Variants in NPAT observed in about 807,000 individuals in gnomAD.
The protein encoded by NPAT is protein NPAT.
NPAT carries 52 observed loss-of-function variants against 130.7 expected under a neutral mutation model. The ratio of observed to expected loss-of-function variants is 0.40; its 90% CI spans 0.32 to 0.50. The LOEUF is 0.50. Among genes scored for constraint, NPAT ranks in the 20% least tolerant of loss-of-function variants. The pLI, the probability that NPAT is intolerant of heterozygous loss-of-function variation, is 0.68. For missense variants in NPAT, 1,687 were observed against 1,662.6 expected, an observed-to-expected ratio of 1.01 and a Z score of -0.26; for synonymous variants, 580 against 584.8, an observed-to-expected ratio of 0.99 and a Z score of 0.12.
chr11:108,208,409 G>C (rs998590619), intron 1 of NPAT: 2 of 455,232 alleles, frequency 4.4e-6, no homozygotes, highest in African/African-American at 4.0e-5. Flanking sequence ...GGGAAACCTA[G>C]TGAGAACCCA....
At chr11:108,162,228 A>T in intron 15 of NPAT, 48 bp from the exon 16 acceptor site, 12 of 1,490,394 alleles carry the variant, frequency 8.1e-6, no homozygotes, top group African/African-American at 1.4e-5. Context: ...TACTCCTCTG[A>T]AAGAGGATAG....
intron 1 of NPAT, among the ~76,000 whole-genome samples, chr11:108,222,055 G>T (rs1282434186): frequency 6.6e-6 from 1 of 152,148 alleles, no homozygotes; most frequent in East Asian, 1.9e-4. Flanking sequence ...GTTATTAGAA[G>T]GGCGCCAGGA....
At chr11:108,168,540 A>G (rs2077921402) in intron 15 of NPAT, among the ~76,000 whole-genome samples, 1 of 152,188 alleles carries the variant, frequency 6.6e-6, no homozygotes, top group Admixed American at 6.5e-5. Context: ...TTCTCTGTAT[A>G]ATGAGTGCAT....
chr11:108,173,371 G>T lies in NPAT; in HGVS notation c.1613C>A (p.Thr538Asn). 4 of 1,613,568 alleles carry T rather than the reference G, an allele frequency of 2.5e-6. No homozygotes were observed. The highest frequency in any genetic ancestry group is 1.7e-6 in the Non-Finnish European group (2 of 1,179,562). ...TTTAGATGGCTTTCCAGTTAATGAA[G>T]TATCTTGGGATAAAAGTTGAGAACT... is the stretch of plus-strand genomic sequence containing the variant. The part of the protein sequence containing the change: ...GKSSQLLSQD[T>N]SLTGKPSKKS... Residue 538 changes from threonine (T) to asparagine (N), a missense_variant, in exon 13 of 18, where the codon ACT becomes AAT. Physicochemically the swap from Thr to Asn is moderately conservative, Grantham distance 65. Around this residue, in one of 3 missense-constraint regions of NPAT, gnomAD observed 1,379 missense variants for 1,346.6 expected, o/e 1.02. Coordinates refer to ENST00000278612, the MANE Select transcript of NPAT (RefSeq NM_002519.3).
At chr11:108,216,108 G>C (rs1042945640) in intron 1 of NPAT, among the ~76,000 whole-genome samples, 1 of 152,154 alleles carries the variant, frequency 6.6e-6, no homozygotes, top group African/African-American at 2.4e-5. Context: ...CAGACTATTA[G>C]AATCACCTTA....
intron 1 of NPAT, among the ~76,000 whole-genome samples, chr11:108,201,869 T>G (rs374319311): frequency 1.3e-5 from 2 of 152,182 alleles, no homozygotes; most frequent in African/African-American, 4.8e-5. Context: ...TATGAACAGA[T>G]AGTAGTGCAA....
intron 1 of NPAT, among the ~76,000 whole-genome samples, chr11:108,221,355 G>C (rs1373183279): frequency 2.6e-5 from 4 of 152,188 alleles, no homozygotes; most frequent in African/African-American, 9.7e-5. Flanking sequence ...TAAGACTATA[G>C]TTACCGAAAC....
chr11:108,175,774 A>C (rs2077999711), intron 12 of NPAT, among the ~76,000 whole-genome samples: 1 of 152,202 alleles, frequency 6.6e-6, no homozygotes, highest in South Asian at 2.1e-4. Flanking sequence ...GGTGCACAAA[A>C]AACATGTGCC....
chr11:108,217,898 C>T (rs765114082), intron 1 of NPAT, among the ~76,000 whole-genome samples: 16 of 152,146 alleles, frequency 1.1e-4, no homozygotes, highest in Non-Finnish European at 2.2e-4. Context: ...GAGGCTGAGG[C>T]AGGAGAATCA....
intron 1 of NPAT, among the ~76,000 whole-genome samples, chr11:108,198,523 C>T (rs1029233557): frequency 3.9e-5 from 6 of 152,126 alleles, no homozygotes; most frequent in Admixed American, 2.6e-4. Flanking sequence ...GGGTAGGGTA[C>T]CCGGTGAAAC....
chr11:108,222,418 C>G (rs1332608467), intron 1 of NPAT, 82 bp downstream of exon 1: 7 of 1,454,094 alleles, frequency 4.8e-6, no homozygotes, highest in African/African-American at 2.8e-5. Flanking sequence ...GCTTCCCTAC[C>G]AAGGGAAAAC....
At chr11:108,180,012 A>G (rs2078044884) in intron 10 of NPAT, among the ~76,000 whole-genome samples, 2 of 152,274 alleles carry the variant, frequency 1.3e-5, no homozygotes, top group Middle Eastern at 3.4e-3. Context: ...CTATCTGATA[A>G]GGGGTTAATA....
At position 108,161,277 on chromosome 11, in the gene NPAT, G is replaced by C. The variant is rs1298098132; in HGVS notation, c.3809C>G (p.Thr1270Arg). The change falls in exon 17 of 18, where the codon ACA (threonine) becomes AGA (arginine). Residue 1270 changes from threonine (T) to arginine (R), a missense_variant. By Grantham distance (71) the Thr-to-Arg change is moderately conservative (BLOSUM62 -1). Coordinates refer to ENST00000278612, the MANE Select transcript of NPAT (RefSeq NM_002519.3). The stretch of plus-strand genomic sequence containing the variant: ...TTTTTCCCCTGCCCCTGAGCCAGGT[G>C]TCCGGGGCACAGGTAAATCACTACT... Reference protein sequence around the residue: ...ADSSDLPVPRTPGSGAGEKHK... With the variant: ...ADSSDLPVPRRPGSGAGEKHK... 1 of 1,614,156 alleles carries C rather than the reference G, an allele frequency of 6.2e-7. No homozygotes were observed. The highest frequency in any genetic ancestry group is 1.1e-5 in the South Asian group (1 of 91,080).
At chr11:108,198,722 G>A (rs1220557329) in intron 1 of NPAT, among the ~76,000 whole-genome samples, 1 of 152,148 alleles carries the variant, frequency 6.6e-6, no homozygotes, top group African/African-American at 2.4e-5. Flanking sequence ...CTGAGCCCAT[G>A]AAAACCTCAG....
chr11:108,207,138 T>A (rs536267749), intron 1 of NPAT, among the ~76,000 whole-genome samples: 1 of 152,092 alleles, frequency 6.6e-6, no homozygotes, highest in African/African-American at 2.4e-5. Context: ...TCGGTGGAGA[T>A]GAGACCCACA....
intron 10 of NPAT, among the ~76,000 whole-genome samples, chr11:108,184,890 A>G (rs979640573): frequency 6.6e-6 from 1 of 152,222 alleles, no homozygotes; most frequent in Non-Finnish European, 1.5e-5. Context: ...TACAATTTGT[A>G]GCAGTGTAGA....
intron 12 of NPAT, 91 bp from the exon 13 acceptor site, chr11:108,173,942 A>T (rs1376195822): frequency 1.8e-6 from 2 of 1,113,224 alleles, no homozygotes; most frequent in Non-Finnish European, 2.7e-6. Context: ...TTGCCAAGAA[A>T]ATAACTCATC....
At chr11:108,188,247 A>G in intron 6 of NPAT, 68 bp from the exon 7 acceptor site, 1 of 1,125,758 alleles carries the variant, frequency 8.9e-7, no homozygotes. Flanking sequence ...GTAATGGGAT[A>G]AAAAGCATTA....
intron 1 of NPAT, among the ~76,000 whole-genome samples, chr11:108,207,503 C>T (rs2078340267): frequency 6.6e-6 from 1 of 152,248 alleles, no homozygotes; most frequent in South Asian, 2.1e-4. Flanking sequence ...CAGCCTCACC[C>T]TTGGCCTCCC....
Sources: gnomAD v4.1 joint callset for allele counts (sites outside exome capture counted in the v4.1 genomes callset) on GRCh38, gnomAD v4.1.1 for gene constraint, gnomAD v4.1.1 regional missense constraint, MANE v1.5 for transcripts, NCBI Gene and HGNC (gene_info 2026-07-23, HGNC 2026-07-21) for gene names.